Variants in GABRG3 observed in about 807,000 individuals in gnomAD.
The protein encoded by GABRG3 is gamma-aminobutyric acid receptor subunit gamma-3.
GABRG3 carries 25 observed loss-of-function variants against 48.8 expected under a neutral mutation model. That is an observed-to-expected ratio of 0.51 (90% confidence interval 0.37 to 0.72). GABRG3 has a LOEUF of 0.72. GABRG3 is among the 30% of genes least tolerant of loss of function. The pLI is 0.00. For missense variants in GABRG3, 394 were observed against 577.9 expected (o/e 0.68, Z 3.26); for synonymous variants, 227 against 217.6 (o/e 1.04, Z -0.38).
At chr15:27,287,990 G>A (rs999040955) in intron 3 of GABRG3, among the ~76,000 whole-genome samples, 1 of 152,192 alleles carries the variant, frequency 6.6e-6, no homozygotes, top group South Asian at 2.1e-4. Flanking sequence ...GCCTGCCTCG[G>A]CCTCCCAAAG....
Position 27,532,895 on chromosome 15 carries a change from T to A in GABRG3, c.*14T>A. 1 of 1,609,346 alleles carries A rather than the reference T, an allele frequency of 6.2e-7. No homozygotes were observed. On this transcript the variant is annotated 3_prime_UTR_variant, in exon 10 of 10. Transcript: ENST00000615808. ...CTGTATCTCTAAGTGTTGCTCAGAG[T>A]GAAGAGTGAAGAGCATTTGGTACAC...
chr15:27,127,319 A>C lies in GABRG3; in HGVS notation c.270+100498A>C, dbSNP rs2140380231. ...GCTATAATATGCATGAACCTTGAGG[A>C]CATTATGCTAAGTAAAATAAGCCAG... On this transcript the variant is annotated intron_variant, in intron 3 of 9. Transcript: ENST00000615808. Among the ~76,000 whole-genome samples the C allele has an allele frequency of 2.0e-5, 3 of 152,284 alleles. No individual in the cohort carries two copies. In the Middle Eastern group the frequency reaches 0.01, roughly 518 times the overall value.
chr15:27,307,825 CAT>C (rs199618299), intron 3 of GABRG3, among the ~76,000 whole-genome samples: 1,940 of 38,712 alleles, frequency 0.05, 35 homozygotes, highest in Non-Finnish European at 0.11. Context: ...ATAAAATAAA[CAT>C]AAACATATAT....
At chr15:27,441,831 T>C (rs1167262852) in intron 5 of GABRG3, among the ~76,000 whole-genome samples, 2 of 152,234 alleles carry the variant, frequency 1.3e-5, no homozygotes, top group Non-Finnish European at 2.9e-5. Flanking sequence ...TTATGTTTTT[T>C]TTAAAGCTTG....
intron 3 of GABRG3, among the ~76,000 whole-genome samples, chr15:27,255,233 C>A (rs7172452): frequency 6.6e-6 from 1 of 152,178 alleles, no homozygotes; most frequent in African/African-American, 2.4e-5. Flanking sequence ...GCCTGTGGAT[C>A]CACCCTTCTG....
At chr15:27,284,979 C>T (rs970851946) in intron 3 of GABRG3, among the ~76,000 whole-genome samples, 1 of 152,096 alleles carries the variant, frequency 6.6e-6, no homozygotes, top group Admixed American at 6.5e-5. Context: ...GGCTTTTAGT[C>T]TAATGCCTGT....
chr15:27,459,764 A>G (rs879477432), intron 5 of GABRG3, among the ~76,000 whole-genome samples: 9 of 152,166 alleles, frequency 5.9e-5, no homozygotes, highest in Non-Finnish European at 1.2e-4. Flanking sequence ...ACACACCCAC[A>G]CTTCCTTGTA....
intron 5 of GABRG3, among the ~76,000 whole-genome samples, chr15:27,349,476 C>A (rs147730953): frequency 0.011 from 1,700 of 152,196 alleles, 28 homozygotes; most frequent in African/African-American, 0.039. Context: ...GGGTTAAAAT[C>A]TAGAGGGAAT....
intron 3 of GABRG3, among the ~76,000 whole-genome samples, chr15:27,285,348 C>G (rs1424327062): frequency 6.7e-6 from 1 of 149,814 alleles, no homozygotes; most frequent in African/African-American, 2.5e-5. Context: ...ATCTTGGGTC[C>G]AAGGGGGAGG....
In GABRG3 at chr15:26,975,942, G is replaced by T. The variant is rs998230642; in HGVS notation, c.54-1060G>T. 1.3e-5 allele frequency among the ~76,000 whole-genome samples: 2 copies of T among 152,124 alleles called. No homozygotes were observed. The highest frequency in any genetic ancestry group is 2.9e-5 in the Non-Finnish European group (2 of 68,026). On this transcript the variant is annotated intron_variant, in intron 1 of 9. Transcript: ENST00000615808. This position sits in a 1 kb window ranked among gnomAD's most constrained non-coding sequence, Gnocchi z 4.6. ...GTTTGTTTCACATGCTTTCTTGCTG[G>T]GGTCAATGGTAGTCTGCCTGGAAAT...
At chr15:27,070,081 A>G (rs1361560654) in intron 3 of GABRG3, among the ~76,000 whole-genome samples, 1 of 152,252 alleles carries the variant, frequency 6.6e-6, no homozygotes, top group Non-Finnish European at 1.5e-5. Flanking sequence ...CCAAGGAAGA[A>G]CAAGATGGCT....
intron 5 of GABRG3, among the ~76,000 whole-genome samples, chr15:27,335,659 G>A (rs1450742585): frequency 6.6e-6 from 1 of 152,078 alleles, no homozygotes; most frequent in East Asian, 1.9e-4. Context: ...AGAGTGGAGG[G>A]GACCAGGGAG....
Position 27,540,030 on chromosome 15 carries a change from G to T in GABRG3, c.*7149G>T, listed in dbSNP as rs959271862. 1 of 152,098 alleles carries T rather than the reference G, an allele frequency of 6.6e-6. No homozygotes were observed. 9.4% of individuals were successfully genotyped at this position (152,098 alleles called of 1,614,324 possible). On this transcript the variant is annotated 3_prime_UTR_variant, in exon 10 of 10. Transcript: ENST00000615808. ...ACTCAGCTATTGATTCAACACAAAG[G>T]CTTAGAGCCTTTTCTGAACTATAAC...
intron 3 of GABRG3, among the ~76,000 whole-genome samples, chr15:27,195,806 TG>T (rs1888478538): frequency 6.6e-6 from 1 of 152,154 alleles, no homozygotes; most frequent in Non-Finnish European, 1.5e-5. Context: ...GGCTAATTTT[TG>T]TATTTTTAGT....
At chr15:27,517,160 G>C (rs1403101769) in intron 6 of GABRG3, among the ~76,000 whole-genome samples, 2 of 151,316 alleles carry the variant, frequency 1.3e-5, no homozygotes, top group Non-Finnish European at 2.9e-5. Context: ...ACTCCTCCAC[G>C]CATGTGCCCA....
chr15:27,183,782 G>A (rs896011478), intron 3 of GABRG3, among the ~76,000 whole-genome samples: 16 of 152,112 alleles, frequency 1.1e-4, no homozygotes, highest in East Asian at 5.8e-4. Context: ...AATTTTAAGC[G>A]TATTAATCAG....
chr15:27,305,298 T>TATAA (rs988028685), intron 3 of GABRG3, among the ~76,000 whole-genome samples: 2 of 151,416 alleles, frequency 1.3e-5, no homozygotes, highest in African/African-American at 4.8e-5. Context: ...AATATTTAGG[T>TATAA]ATAAATGTAA....
intron 2 of GABRG3, among the ~76,000 whole-genome samples, chr15:26,991,858 C>A (rs1895255229): frequency 6.6e-6 from 1 of 151,960 alleles, no homozygotes; most frequent in South Asian, 2.1e-4. Flanking sequence ...GTAGCTGGGA[C>A]TACAGGTGCC....
intron 3 of GABRG3, among the ~76,000 whole-genome samples, chr15:27,314,732 A>G (rs1893153230): frequency 6.6e-6 from 1 of 152,258 alleles, no homozygotes; most frequent in Non-Finnish European, 1.5e-5. Flanking sequence ...TTTAAAAAAG[A>G]AGAAAATTCT....
Sources: allele counts gnomAD v4.1 joint callset (sites outside exome capture counted in the v4.1 genomes callset), GRCh38; gene constraint gnomAD v4.1.1; non-coding constraint Gnocchi (gnomAD v3.1); transcripts MANE v1.5; gene names NCBI Gene and HGNC (gene_info 2026-07-23, HGNC 2026-07-21).